MAP3K9: variants seen among roughly 807,000 people sequenced by gnomAD.
MAP3K9 encodes the protein mixed lineage kinase 1 (tyr and ser/thr specificity).
Under a neutral mutation model 95.8 loss-of-function variants are expected in MAP3K9, and 46 were observed. The observed-to-expected ratio is 0.48, with a 90% confidence interval of 0.38 to 0.61. The LOEUF is 0.61. Ranked by LOEUF, MAP3K9 falls within the 20% of genes least tolerant of loss-of-function variation. MAP3K9 has a pLI of 0.00. For missense variants in MAP3K9, 1,296 were observed against 1,474.3 expected (o/e 0.88, Z 1.98); for synonymous variants, 533 against 593.8 (o/e 0.90, Z 1.49).
intron 2 of MAP3K9, among the ~76,000 whole-genome samples, chr14:70,798,470 A>ATT (rs1355994940): frequency 2.8e-5 from 3 of 108,332 alleles, no homozygotes; most frequent in Non-Finnish European, 4.0e-5. Context: ...GGTCACCAAA[A>ATT]GTTTTTTTTT....
rs755332602 is a variant in MAP3K9 at position 70,728,848 on chromosome 14, G to A, written c.*1532C>T. On this transcript the variant is annotated 3_prime_UTR_variant, in exon 12 of 12. Transcript: ENST00000554752. ...AGTGACCTCCAAGACAAAAGACAGT[G>A]GAGCAGCATTCAGAGAGTCTTGAGG... The A allele has an allele frequency of 6.6e-6, 1 of 152,158 alleles. No homozygotes were observed. The highest frequency in any genetic ancestry group is 1.5e-5 in the Non-Finnish European group (1 of 68,026). The allele number at this position is 152,158 out of a possible 1,614,324, so 9.4% of individuals were successfully genotyped here. A position where few individuals can be genotyped will look rare whatever the true frequency, so the allele number is the denominator to read the frequency against.
intron 7 of MAP3K9, among the ~76,000 whole-genome samples, chr14:70,739,118 A>G (rs1000016470): frequency 2.0e-5 from 3 of 152,242 alleles, no homozygotes; most frequent in African/African-American, 7.2e-5. Flanking sequence ...TTTTTCAAGG[A>G]AAGCTAGAAA....
chr14:70,770,902 G>T (rs1433880693), intron 2 of MAP3K9, among the ~76,000 whole-genome samples: 1 of 152,078 alleles, frequency 6.6e-6, no homozygotes, highest in South Asian at 2.1e-4. Context: ...TCCTTAGAAA[G>T]GACGCGTAGG....
intron 2 of MAP3K9, among the ~76,000 whole-genome samples, chr14:70,779,184 A>T (rs1308565924): frequency 6.6e-6 from 1 of 152,258 alleles, no homozygotes; most frequent in Non-Finnish European, 1.5e-5. Context: ...GGGCTGGGGC[A>T]GGACTGGAAG....
chr14:70,771,056 T>C lies in MAP3K9; in HGVS notation c.821-9874A>G, dbSNP rs557000697. 2.6e-5 allele frequency among the ~76,000 whole-genome samples: 4 copies of C among 152,176 alleles called. No homozygotes were observed. In the South Asian group the frequency reaches 6.2e-4, roughly 24 times the overall value. On this transcript the variant is annotated intron_variant, in intron 2 of 11. Transcript: ENST00000554752. ...CTGTGATATAAAGGGATTGCTTTTTTTTTTTGCTTTCCCTACTGTCAACTT... is the reference window on the plus strand; with the variant it reads ...CTGTGATATAAAGGGATTGCTTTTTCTTTTTGCTTTCCCTACTGTCAACTT...
chr14:70,794,358 T>G (rs1426880479), intron 2 of MAP3K9, among the ~76,000 whole-genome samples: 3 of 152,152 alleles, frequency 2.0e-5, no homozygotes. Flanking sequence ...AGGGGATAAA[T>G]CAAACATTAA....
In MAP3K9 at chr14:70,762,374, A is replaced by G. The variant is rs374756504; in HGVS notation, c.821-1192T>C. ...TCCACAAGCAGACTATGGGGGTTTCAATTTCTCCACATCCTCACGAATACT... is the reference window on the plus strand; with the variant it reads ...TCCACAAGCAGACTATGGGGGTTTCGATTTCTCCACATCCTCACGAATACT... On this transcript the variant is annotated intron_variant, in intron 2 of 11. Coordinates refer to ENST00000554752, the MANE Select transcript of MAP3K9 (RefSeq NM_001284230.2). Among the ~76,000 whole-genome samples the G allele has an allele frequency of 3.9e-5, 6 of 152,304 alleles. No individual in the cohort carries two copies. In the East Asian group the frequency reaches 9.6e-4, roughly 24 times the overall value.
At chr14:70,743,670 T>C (rs1029809152) in intron 5 of MAP3K9, among the ~76,000 whole-genome samples, 1 of 152,192 alleles carries the variant, frequency 6.6e-6, no homozygotes, top group African/African-American at 2.4e-5. Context: ...CATCTCACAC[T>C]AGTTAGAATG....
At chr14:70,783,038 G>A (rs962895987) in intron 2 of MAP3K9, among the ~76,000 whole-genome samples, 1 of 152,194 alleles carries the variant, frequency 6.6e-6, no homozygotes, top group African/African-American at 2.4e-5. Context: ...GTAAGGAAAA[G>A]TCTTAGAATA....
Position 70,808,749 on chromosome 14 carries a change from C to A in MAP3K9, c.406+17G>T. 6.9e-7 allele frequency: 1 copy of A among 1,454,562 alleles called. No homozygotes were observed. Among genetic ancestry groups the A allele is most frequent in the Admixed American group, 2.3e-5 (1 of 43,018 alleles). The allele number at this position is 1,454,562 out of a possible 1,614,324, so 90.1% of individuals were successfully genotyped here. On this transcript the variant is annotated intron_variant, in intron 1 of 11. Coordinates refer to ENST00000554752, the MANE Select transcript of MAP3K9 (RefSeq NM_001284230.2). ...TCCGTCATTCCCCCTCCCCGCCCGGCCCCGCCTTCGCCTTACACTGAATGG... is the reference window on the plus strand; with the variant it reads ...TCCGTCATTCCCCCTCCCCGCCCGGACCCGCCTTCGCCTTACACTGAATGG...
intron 6 of MAP3K9, among the ~76,000 whole-genome samples, chr14:70,741,739 AG>A: frequency 6.6e-6 from 1 of 152,226 alleles, no homozygotes; most frequent in Non-Finnish European, 1.5e-5. Flanking sequence ...GCACTTTGGG[AG>A]GCCAAGGTGG....
Position 70,730,620 on chromosome 14 carries a change from G to T in MAP3K9, c.3075C>A (p.Ser1025Arg). 6.2e-7 allele frequency: 1 copy of T among 1,613,982 alleles called. No homozygotes were observed. The highest frequency in any genetic ancestry group is 8.5e-7 in the Non-Finnish European group (1 of 1,180,046). Residue 1025 changes from serine to arginine, a missense_variant, in exon 12 of 12, where the codon AGC becomes AGA. Around this residue, in one of 5 missense-constraint regions of MAP3K9, gnomAD observed 433 missense variants for 441.4 expected, o/e 0.98. Transcript: ENST00000554752. The stretch of plus-strand genomic sequence containing the variant: ...AGTCCAGGTTGCTGGGCGTCTCTGT[G>T]CTGGAGCTGTTGGCTGGGGAGGTGC... ...ARSTSPANSS[S>R]TETPSNLDSC... is the part of the protein sequence containing the mutation.
In MAP3K9 at chr14:70,733,224, A is replaced by G; in HGVS notation, c.2145T>C (p.Asp715=). 6.2e-7 allele frequency: 1 copy of G among 1,611,706 alleles called. No homozygotes were observed. Among genetic ancestry groups the G allele is most frequent in the Non-Finnish European group, 8.5e-7 (1 of 1,178,366 alleles). The change falls in exon 11 of 12, where the codon GAT becomes GAC. Residue 715 remains aspartate (D), a synonymous_variant. Coordinates refer to ENST00000554752, the MANE Select transcript of MAP3K9 (RefSeq NM_001284230.2). The part of the protein sequence containing the change: ...RGEDGDGPSS[D]GIHEEPTPVN... ...CTGGGGTGGGCTCCTCATGGATTCC[A>G]TCACTGGAGGGGCCATCGCCATCCT... is the stretch of plus-strand genomic sequence containing the variant.
intron 2 of MAP3K9, among the ~76,000 whole-genome samples, chr14:70,792,610 A>T (rs1233658941): frequency 6.6e-6 from 1 of 152,180 alleles, no homozygotes; most frequent in Non-Finnish European, 1.5e-5. Context: ...AGGCAAGTCT[A>T]ATGCCACATC....
At chr14:70,799,132 C>T (rs118015541) in intron 2 of MAP3K9, among the ~76,000 whole-genome samples, 1 of 152,034 alleles carries the variant, frequency 6.6e-6, no homozygotes, top group Non-Finnish European at 1.5e-5. Flanking sequence ...TTCTTTTTAG[C>T]TGCACTTTCT....
chr14:70,732,633 G>T lies in MAP3K9; in HGVS notation c.2736C>A (p.His912Gln). The stretch of plus-strand genomic sequence containing the variant: ...GGGCCCCATCAGAAGGAGTCCGCCG[G>T]TGACTGCTGGGCTGCGAGGGGGTGG... ...TLTTPSQPSS[H>Q]RRTPSDGALK... Residue 912 changes from histidine to glutamine, a missense_variant, in exon 11 of 12, where the codon CAC becomes CAA. This residue lies in a region of MAP3K9 where 433 missense variants were observed against 441.4 expected (regional missense o/e 0.98). Coordinates refer to ENST00000554752, the MANE Select transcript of MAP3K9 (RefSeq NM_001284230.2). The T allele has an allele frequency of 1.2e-6, 2 of 1,607,204 alleles. No homozygotes were observed. The highest frequency in any genetic ancestry group is 1.7e-6 in the Non-Finnish European group (2 of 1,176,284).
intron 9 of MAP3K9, among the ~76,000 whole-genome samples, chr14:70,735,261 G>A (rs1326929058): frequency 6.6e-6 from 1 of 152,132 alleles, no homozygotes; most frequent in African/African-American, 2.4e-5. Context: ...GGAACCAGAG[G>A]CCTAGAAGCA....
rs374489590 is a variant in MAP3K9 at position 70,730,624 on chromosome 14, G to C, written c.3071C>G (p.Ser1024Cys). The change falls in exon 12 of 12, where the codon TCC becomes TGC. Residue 1024 changes from serine (S) to cysteine (C), a missense_variant. Around this residue, in one of 5 missense-constraint regions of MAP3K9, gnomAD observed 433 missense variants for 441.4 expected, o/e 0.98. Transcript: ENST00000554752. The part of the protein sequence containing the change: ...HARSTSPANS[S>C]STETPSNLDS... ...CAGGTTGCTGGGCGTCTCTGTGCTG[G>C]AGCTGTTGGCTGGGGAGGTGCTGCG... 6.3e-5 allele frequency: 102 copies of C among 1,613,846 alleles called. No homozygotes were observed. Among genetic ancestry groups the C allele is most frequent in the Non-Finnish European group, 8.1e-5 (95 of 1,180,056 alleles).
At chr14:70,795,200 G>C (rs2054851294) in intron 2 of MAP3K9, among the ~76,000 whole-genome samples, 1 of 151,626 alleles carries the variant, frequency 6.6e-6, no homozygotes, top group African/African-American at 2.4e-5. Context: ...GTTTCACTAT[G>C]ATGGCCAGGC....
Sources: gnomAD v4.1 joint callset for allele counts (sites outside exome capture counted in the v4.1 genomes callset) on GRCh38, gnomAD v4.1.1 for gene constraint, gnomAD v4.1.1 regional missense constraint, MANE v1.5 for transcripts, NCBI Gene and HGNC (gene_info 2026-07-23, HGNC 2026-07-21) for gene names.